Variants in CRYAB observed in about 807,000 individuals in gnomAD.
The protein encoded by CRYAB is crystallin alpha B.
Under a neutral mutation model 12.7 loss-of-function variants are expected in CRYAB, and 9 were observed. The observed-to-expected ratio is 0.71, with a 90% CI of 0.43 to 1.24. CRYAB has a LOEUF of 1.24. Among genes scored for constraint, CRYAB ranks in the 50% most tolerant of loss-of-function variants. The probability of loss-of-function intolerance (pLI) is 0.00; values close to 1 mark genes in which losing one functional copy is unlikely to be tolerated. For synonymous variants in CRYAB, 93 were observed against 86.8 expected (o/e 1.07, Z -0.40); for missense variants, 183 against 226.6 (o/e 0.81, Z 1.24).
chr11:111,912,069 C>A (rs1478969307), upstream of CRYAB: 1 of 278,576 alleles, frequency 3.6e-6, no homozygotes, highest in Non-Finnish European at 7.0e-6. Context: ...CAAGCAGGCA[C>A]GCGGGGTGGG....
intron 1 of CRYAB, chr11:111,918,587 A>T (rs1223952492): frequency 6.7e-6 from 4 of 600,666 alleles, no homozygotes; most frequent in Admixed American, 5.1e-5. Context: ...TACATTAGGC[A>T]CTCATCTATT....
chr11:111,911,780 T>TG, upstream of CRYAB: 1 of 1,211,318 alleles, frequency 8.3e-7, no homozygotes, highest in Non-Finnish European at 1.2e-6. Flanking sequence ...CAGCTGCAGC[T>TG]ACAGCCAGCC....
In CRYAB at chr11:111,908,969, T is replaced by C. The variant is rs202024436; in HGVS notation, c.325-2A>G. Reference sequence around the variant, plus strand: ...CCTGGAGATGAAACCATGTTCATCCTAACCCAAAAGAATGAGGAAAGAGGC... The same window carrying C: ...CCTGGAGATGAAACCATGTTCATCCCAACCCAAAAGAATGAGGAAAGAGGC... On this transcript the variant is annotated splice_acceptor_variant, in intron 2 of 2. Transcript: ENST00000650687. LOFTEE classifies it high-confidence loss of function. 56 of 1,613,960 alleles carry C rather than the reference T, an allele frequency of 3.5e-5. No individual in the cohort carries two copies. The highest frequency in any genetic ancestry group is 5.0e-5 in the Admixed American group (3 of 60,010).
upstream of CRYAB, among the ~76,000 whole-genome samples, chr11:111,915,556 A>G (rs1267613362): frequency 3.3e-5 from 5 of 152,232 alleles, no homozygotes; most frequent in Non-Finnish European, 7.3e-5. Context: ...AAATAGCTTC[A>G]CATTGATATG....
chr11:111,922,838 A>G (rs1163692153), intron 1 of CRYAB, among the ~76,000 whole-genome samples: 1 of 152,188 alleles, frequency 6.6e-6, no homozygotes, highest in East Asian at 1.9e-4. Flanking sequence ...ATGTTTAAGG[A>G]TTTTTATACT....
At chr11:111,919,084 G>A (rs1255433593) in intron 1 of CRYAB, 10 of 1,525,410 alleles carry the variant, frequency 6.6e-6, no homozygotes, top group Middle Eastern at 1.8e-4. Flanking sequence ...AGGACCTGGA[G>A]ATAGTTGTCT....
At chr11:111,919,014 C>A (rs1555166301) in intron 1 of CRYAB, 2 of 1,614,132 alleles carry the variant, frequency 1.2e-6, no homozygotes, top group South Asian at 2.2e-5. Context: ...GGTGAGTAGG[C>A]TGGAAGGGCA....
chr11:111,920,229 ATAAAATAAAT>A (rs1312725224), intron 1 of CRYAB, among the ~76,000 whole-genome samples: 1 of 151,934 alleles, frequency 6.6e-6, no homozygotes, highest in Non-Finnish European at 1.5e-5. Flanking sequence ...ATAAAATAAA[ATAAAATAAAT>A]TAAAGGGCAG....
chr11:111,919,119 TCTGC>T, intron 1 of CRYAB: 1 of 1,159,732 alleles, frequency 8.6e-7, no homozygotes, highest in East Asian at 2.6e-5. Context: ...GCCACCTTCC[TCTGC>T]CTGGTACCTC....
chr11:111,919,073 G>C, intron 1 of CRYAB: 1 of 1,566,476 alleles, frequency 6.4e-7, no homozygotes. Flanking sequence ...CCGAAAATCA[G>C]AGGACCTGGA....
upstream of CRYAB, chr11:111,913,535 G>A (rs887591018): frequency 6.2e-7 from 1 of 1,613,998 alleles, no homozygotes; most frequent in Admixed American, 1.7e-5. Context: ...GCAGGGCAGG[G>A]GCCTCCGAGC....
chr11:111,913,663 G>T (rs782166841), upstream of CRYAB: 22 of 1,614,010 alleles, frequency 1.4e-5, no homozygotes, highest in Non-Finnish European at 1.8e-5. Flanking sequence ...CACCCCCAGC[G>T]CCTGGACCGC....
At chr11:111,919,234 G>A (rs1446531108) in intron 1 of CRYAB, 2 of 552,686 alleles carry the variant, frequency 3.6e-6, no homozygotes, top group African/African-American at 3.8e-5. Context: ...CAGCACTTTG[G>A]GAGGCCGAGG....
At chr11:111,921,184 G>C (rs970437429) in intron 1 of CRYAB, among the ~76,000 whole-genome samples, 1 of 152,166 alleles carries the variant, frequency 6.6e-6, no homozygotes, top group African/African-American at 2.4e-5. Context: ...CACAGGTTTT[G>C]GAGTAGTACA....
intron 1 of CRYAB, chr11:111,910,741 C>T: frequency 2.1e-6 from 1 of 474,574 alleles, no homozygotes; most frequent in Non-Finnish European, 3.9e-6. Context: ...GCATCTGCTG[C>T]CTCTCTGACT....
At chr11:111,919,166 AG>A in intron 1 of CRYAB, 2 of 797,480 alleles carry the variant, frequency 2.5e-6, no homozygotes, top group Non-Finnish European at 4.1e-6. Context: ...ACCTCCTTTC[AG>A]GAGGCCTTAG....
chr11:111,912,915 T>A, upstream of CRYAB: 1 of 1,604,124 alleles, frequency 6.2e-7, no homozygotes, highest in Non-Finnish European at 8.5e-7. Flanking sequence ...GAGCAGCGCT[T>A]CGGAGAAGGT....
upstream of CRYAB, chr11:111,913,494 C>A (rs782197093): frequency 6.2e-7 from 1 of 1,613,310 alleles, no homozygotes; most frequent in Non-Finnish European, 8.5e-7. Context: ...CTACTATGTC[C>A]GGCCTCGGGC....
At chr11:111,913,340 C>T, upstream of CRYAB, 1 of 913,994 alleles carries the variant, frequency 1.1e-6, no homozygotes, top group South Asian at 1.5e-5. Context: ...CCTGACTCCC[C>T]TCTTGCTCTT....
Sources: gnomAD v4.1 joint callset for allele counts (sites outside exome capture counted in the v4.1 genomes callset) on GRCh38, gnomAD v4.1.1 for gene constraint, MANE v1.5 for transcripts, NCBI Gene and HGNC (gene_info 2026-07-23, HGNC 2026-07-21) for gene names.